Variants in UBE2D3 observed in about 807,000 individuals in gnomAD.
UBE2D3 encodes the protein ubiquitin conjugating enzyme E2 D3.
Under a neutral mutation model 22.8 loss-of-function variants are expected in UBE2D3, and 2 were observed. The ratio of observed to expected loss-of-function variants is 0.09; its 90% confidence interval spans 0.04 to 0.28. The LOEUF (loss-of-function observed/expected upper bound fraction) is 0.28. Among genes scored for constraint, UBE2D3 ranks in the 10% least tolerant of loss-of-function variants. The pLI is 1.00. For synonymous variants in UBE2D3, 56 were observed against 60.4 expected (o/e 0.93, Z 0.34); for missense variants, 27 against 182.5 (o/e 0.15, Z 4.91).
intron 7 of UBE2D3, among the ~76,000 whole-genome samples, chr4:102,798,584 C>T (rs223438): frequency 0.57 from 85,926 of 150,372 alleles, 25,845 homozygotes; most frequent in African/African-American, 0.77. Context: ...TACTATCTCC[C>T]GGCAAAATTT....
At chr4:102,820,019 C>T (rs1287606238) in intron 2 of UBE2D3, among the ~76,000 whole-genome samples, 1 of 152,130 alleles carries the variant, frequency 6.6e-6, no homozygotes, top group Non-Finnish European at 1.5e-5. Flanking sequence ...GCTTTGGGGA[C>T]TGGAAGAGAT....
chr4:102,826,678 G>T, intron 1 of UBE2D3, 42 bp from the exon 2 acceptor site: 1 of 1,505,500 alleles, frequency 6.6e-7, no homozygotes, highest in Non-Finnish European at 8.8e-7. Context: ...CACAGGCCCC[G>T]AAGAGCCCCT....
At chr4:102,838,807 C>CA (rs145975514) in intron 1 of UBE2D3, among the ~76,000 whole-genome samples, 2,739 of 52,986 alleles carry the variant, frequency 0.052, 62 homozygotes, top group African/African-American at 0.11. Flanking sequence ...CTGTGCTGGG[C>CA]AAAAAAAAAA....
intron 2 of UBE2D3, among the ~76,000 whole-genome samples, chr4:102,821,792 CA>C (rs1227575275): frequency 2.6e-5 from 4 of 152,084 alleles, no homozygotes; most frequent in African/African-American, 9.7e-5. Flanking sequence ...TATGTACCCA[CA>C]AAATTTTTTT....
chr4:102,816,249 C>A (rs1055232329), intron 2 of UBE2D3, among the ~76,000 whole-genome samples: 3 of 152,146 alleles, frequency 2.0e-5, no homozygotes, highest in African/African-American at 7.2e-5. Context: ...CAGCTGGGAC[C>A]CAACTATTAG....
In UBE2D3 at chr4:102,861,550, C is replaced by G. The variant is rs558515365; in HGVS notation, c.-129+7165G>C. On this transcript the variant is annotated intron_variant, in intron 1 of 7. Transcript: ENST00000338145. The stretch of plus-strand genomic sequence containing the variant: ...ATATCGCAAAGCATTATGCAGGTTC[C>G]TTCTTCATGCCTAGTTCATCGGTGC... 1.9e-4 allele frequency among the ~76,000 whole-genome samples: 29 copies of G among 152,074 alleles called. 1 individual carries two copies. The highest frequency in any genetic ancestry group is 1.6e-3 in the Admixed American group (24 of 15,254).
chr4:102,854,271 T>G (rs1424059252), intron 1 of UBE2D3, among the ~76,000 whole-genome samples: 2 of 152,182 alleles, frequency 1.3e-5, no homozygotes, highest in Non-Finnish European at 2.9e-5. Flanking sequence ...AATGTGTATA[T>G]TTTTTAAGGA....
In UBE2D3 at chr4:102,853,748, T is replaced by C. The variant is rs540443774; in HGVS notation, c.-129+14967A>G. On this transcript the variant is annotated intron_variant, in intron 1 of 7. Coordinates refer to the UBE2D3 transcript ENST00000338145. ...GGGAGACTGAAACGCAAAACATCTG[T>C]CTCTCTCTACACATACAGTATCTGA... Among the ~76,000 whole-genome samples the C allele has an allele frequency of 6.6e-5, 10 of 152,180 alleles. No homozygotes were observed. In the East Asian group the frequency reaches 1.4e-3, roughly 21 times the overall value.
rs1730318034 is a variant in UBE2D3, at chr4:102,825,542, C to G, written c.24+943G>C. 2.6e-6 allele frequency: 3 copies of G among 1,173,132 alleles called. No individual in the cohort carries two copies. The Admixed American group carries it at 1.2e-4, about 45-fold the overall frequency. The allele number at this position is 1,173,132 out of a possible 1,614,324, so 72.7% of individuals were successfully genotyped here. ...TTAAAGCAGCCGCCATCTTAAAATG[C>G]GGGATAGAAGTTAGAGCAAGAAAAT... On this transcript the variant is annotated intron_variant, in intron 2 of 7. Transcript: ENST00000453744.
At position 102,841,097 on chromosome 4, in the gene UBE2D3, A is replaced by G. The variant is rs556464614; in HGVS notation, c.-128-14461T>C. 2.4e-4 allele frequency among the ~76,000 whole-genome samples: 37 copies of G among 152,266 alleles called. 1 individual carries two copies. The highest frequency in any genetic ancestry group is 4.1e-4 in the Non-Finnish European group (28 of 68,014). On this transcript the variant is annotated intron_variant, in intron 1 of 7. Coordinates refer to the UBE2D3 transcript ENST00000338145. ...TAACAAATAATCTTTAAACCAGTCA[A>G]TGCCCTATGTAACTTGTTTACCAAT...
chr4:102,798,906 C>A (rs1560839972), intron 7 of UBE2D3: 1 of 1,610,150 alleles, frequency 6.2e-7, no homozygotes, highest in Admixed American at 1.7e-5. Context: ...ATAAGCGCAC[C>A]ATAGAGTGCA....
chr4:102,845,563 G>A (rs74332078), intron 1 of UBE2D3, among the ~76,000 whole-genome samples: 3,920 of 152,260 alleles, frequency 0.026, 76 homozygotes, highest in Admixed American at 0.038. Context: ...GGAGTACCAA[G>A]TCTGGGAGCT....
intron 5 of UBE2D3, chr4:102,801,914 T>C (rs1378691501): frequency 3.5e-5 from 6 of 170,626 alleles, no homozygotes; most frequent in Non-Finnish European, 7.5e-5. Flanking sequence ...CATTTAAAGT[T>C]TCATTAAGTT....
At chr4:102,819,306 G>A (rs1729217281) in intron 2 of UBE2D3, among the ~76,000 whole-genome samples, 1 of 150,576 alleles carries the variant, frequency 6.6e-6, no homozygotes, top group Non-Finnish European at 1.5e-5. Context: ...CTCTAGCCTG[G>A]GCAGCTGACC....
chr4:102,843,087 G>T (rs760113530), intron 1 of UBE2D3, among the ~76,000 whole-genome samples: 1 of 152,146 alleles, frequency 6.6e-6, no homozygotes, highest in Non-Finnish European at 1.5e-5. Context: ...TCCAGCGTGG[G>T]CAACAGAATA....
chr4:102,825,293 A>C, intron 2 of UBE2D3: 1 of 986,298 alleles, frequency 1.0e-6, no homozygotes, highest in Non-Finnish European at 1.2e-6. Flanking sequence ...CATTTTTTTC[A>C]AGTTAGCTGT....
intron 4 of UBE2D3, among the ~76,000 whole-genome samples, chr4:102,807,823 T>G (rs1282322726): frequency 6.6e-6 from 1 of 152,216 alleles, no homozygotes; most frequent in Non-Finnish European, 1.5e-5. Context: ...TTTGATTGTC[T>G]ATAGGTATGT....
At chr4:102,822,800 G>A (rs1236682809) in intron 2 of UBE2D3, among the ~76,000 whole-genome samples, 1 of 38,460 alleles carries the variant, frequency 2.6e-5, no homozygotes, top group Non-Finnish European at 4.6e-5. Flanking sequence ...GCCGGGGGTG[G>A]TGGTGGGCGC....
At chr4:102,811,107 T>C (rs1175821141) in intron 2 of UBE2D3, 1 of 152,182 alleles carries the variant, frequency 6.6e-6, no homozygotes, top group South Asian at 2.1e-4. Context: ...CCTAACACCC[T>C]GGGAGGCAAA....
Sources: gnomAD v4.1 joint callset for allele counts (sites outside exome capture counted in the v4.1 genomes callset) on GRCh38, gnomAD v4.1.1 for gene constraint, MANE v1.5 for transcripts, NCBI Gene and HGNC (gene_info 2026-07-23, HGNC 2026-07-21) for gene names.